Variants in GPC5 observed in about 807,000 individuals in gnomAD.
GPC5 encodes glypican 5, also known as glypican-5.
A neutral mutation model predicts 53.9 loss-of-function variants in GPC5; 47 were observed. That is an observed-to-expected ratio of 0.87 (90% CI 0.69 to 1.11). The LOEUF is 1.11. GPC5 is among the 50% of genes most tolerant of loss of function. The probability of loss-of-function intolerance (pLI) is 0.00; values close to 1 mark genes in which losing one functional copy is unlikely to be tolerated. For missense variants in GPC5, 748 were observed against 713.1 expected (o/e 1.05, Z -0.56); for synonymous variants, 286 against 263.3 (o/e 1.09, Z -0.84).
chr13:92,123,230 C>T (rs1169525167), intron 6 of GPC5, among the ~76,000 whole-genome samples: 5 of 151,840 alleles, frequency 3.3e-5, no homozygotes, highest in African/African-American at 2.4e-5. Context: ...CATGTCTAAA[C>T]CCTGTCTCTA....
At chr13:91,854,941 A>G (rs1165239437) in intron 5 of GPC5, among the ~76,000 whole-genome samples, 1 of 151,344 alleles carries the variant, frequency 6.6e-6, no homozygotes, top group Non-Finnish European at 1.5e-5. Context: ...AAGTCACACG[A>G]TTTTTTTTCT....
intron 6 of GPC5, among the ~76,000 whole-genome samples, chr13:92,102,529 A>G (rs567325992): frequency 1.3e-5 from 2 of 152,288 alleles, no homozygotes; most frequent in East Asian, 1.9e-4. Context: ...TGTTTCTCCT[A>G]AGATATAAGC....
intron 2 of GPC5, among the ~76,000 whole-genome samples, chr13:91,617,128 G>A (rs77458476): frequency 1.3e-5 from 2 of 152,108 alleles, no homozygotes; most frequent in Admixed American, 6.6e-5. Flanking sequence ...TACATGTCAG[G>A]GTTGGGTGTA....
chr13:92,311,808 G>T (rs1055853279), intron 7 of GPC5, among the ~76,000 whole-genome samples: 1 of 152,082 alleles, frequency 6.6e-6, no homozygotes, highest in African/African-American at 2.4e-5. Flanking sequence ...ATTTGGGTGG[G>T]GACACAGCCA....
chr13:91,438,458 G>A lies in GPC5; in HGVS notation c.164-10303G>A, dbSNP rs145872942. On this transcript the variant is annotated intron_variant, in intron 1 of 7. Coordinates refer to ENST00000377067, the MANE Select transcript of GPC5 (RefSeq NM_004466.6). ...CCGTGTTTGCCTGGGTATCAGCAGC[G>A]GAGGCTGCAGAACAGCGGATATTGG... 7.6e-3 allele frequency among the ~76,000 whole-genome samples: 1,151 copies of A among 152,282 alleles called. 15 individuals carry two copies. Among genetic ancestry groups the A allele is most frequent in the African/African-American group, 0.027 (1,115 of 41,546 alleles).
At chr13:91,622,532 A>G (rs2033889521) in intron 2 of GPC5, among the ~76,000 whole-genome samples, 1 of 152,126 alleles carries the variant, frequency 6.6e-6, no homozygotes, top group African/African-American at 2.4e-5. Flanking sequence ...GAAGTACTAT[A>G]AAAAAGTTTA....
chr13:92,113,431 T>C (rs572003859), intron 6 of GPC5, among the ~76,000 whole-genome samples: 1 of 152,314 alleles, frequency 6.6e-6, no homozygotes, highest in Admixed American at 6.5e-5. Flanking sequence ...CTAAAGCTAA[T>C]GTCTCTTTGT....
At chr13:91,815,256 T>C (rs2038381632) in intron 5 of GPC5, among the ~76,000 whole-genome samples, 1 of 152,118 alleles carries the variant, frequency 6.6e-6, no homozygotes, top group African/African-American at 2.4e-5. Flanking sequence ...CCTGGTGGTA[T>C]GCACTTGTAG....
intron 3 of GPC5, among the ~76,000 whole-genome samples, chr13:91,698,961 A>C (rs2035939839): frequency 6.6e-6 from 1 of 152,210 alleles, no homozygotes; most frequent in Non-Finnish European, 1.5e-5. Flanking sequence ...ATATAATTTC[A>C]GTGACTTTAC....
chr13:92,068,653 T>C (rs1486281703), intron 6 of GPC5, among the ~76,000 whole-genome samples: 1 of 151,558 alleles, frequency 6.6e-6, no homozygotes, highest in African/African-American at 2.4e-5. Context: ...ATTCTATTCC[T>C]AGTTTGCATA....
chr13:92,803,695 G>C (rs1876990548), intron 7 of GPC5, among the ~76,000 whole-genome samples: 1 of 151,602 alleles, frequency 6.6e-6, no homozygotes, highest in Non-Finnish European at 1.5e-5. Context: ...TTTTGATTAT[G>C]TTCACTTACT....
chr13:92,395,558 C>G (rs936490225), intron 7 of GPC5, among the ~76,000 whole-genome samples: 1 of 152,304 alleles, frequency 6.6e-6, no homozygotes, highest in East Asian at 1.9e-4. Context: ...ATCTTCAACA[C>G]TCTTCCTTAT....
At chr13:92,219,953 C>A (rs919065595) in intron 7 of GPC5, among the ~76,000 whole-genome samples, 4 of 152,142 alleles carry the variant, frequency 2.6e-5, no homozygotes, top group Non-Finnish European at 5.9e-5. Flanking sequence ...TTTGATAAAT[C>A]TCTACTTTTG....
intron 7 of GPC5, among the ~76,000 whole-genome samples, chr13:92,501,338 T>C (rs563256724): frequency 6.6e-6 from 1 of 152,080 alleles, no homozygotes; most frequent in Non-Finnish European, 1.5e-5. Context: ...AATCACAGGA[T>C]GGAAATGACA....
intron 7 of GPC5, among the ~76,000 whole-genome samples, chr13:92,772,426 C>A (rs1317182456): frequency 6.6e-6 from 1 of 152,176 alleles, no homozygotes; most frequent in Non-Finnish European, 1.5e-5. Flanking sequence ...AACCATGGGG[C>A]CTTTGCACTT....
chr13:92,469,262 G>T (rs530026560), intron 7 of GPC5, among the ~76,000 whole-genome samples: 1 of 152,056 alleles, frequency 6.6e-6, no homozygotes, highest in East Asian at 1.9e-4. Flanking sequence ...AGGCTGGAGT[G>T]CAGTGGTGCG....
intron 7 of GPC5, among the ~76,000 whole-genome samples, chr13:92,336,642 GA>G (rs1373518343): frequency 6.6e-6 from 1 of 152,132 alleles, no homozygotes; most frequent in Non-Finnish European, 1.5e-5. Context: ...AAAGTTATAT[GA>G]AAATGATAAT....
intron 7 of GPC5, among the ~76,000 whole-genome samples, chr13:92,436,739 G>A (rs964054268): frequency 1.3e-5 from 2 of 152,124 alleles, no homozygotes; most frequent in Non-Finnish European, 2.9e-5. Context: ...TTAATACAGT[G>A]TCTGCTGCTT....
intron 7 of GPC5, among the ~76,000 whole-genome samples, chr13:92,862,626 C>CAGACAGAT (rs1879218196): frequency 1.5e-5 from 2 of 129,656 alleles, no homozygotes; most frequent in Non-Finnish European, 3.5e-5. Flanking sequence ...GATAGATAGA[C>CAGACAGAT]AGATAGATAG....
Sources: gnomAD v4.1 joint callset for allele counts (sites outside exome capture counted in the v4.1 genomes callset) on GRCh38, gnomAD v4.1.1 for gene constraint, MANE v1.5 for transcripts, NCBI Gene and HGNC (gene_info 2026-07-23, HGNC 2026-07-21) for gene names.